TENM3: variants seen among roughly 807,000 people sequenced by gnomAD.
The protein encoded by TENM3 is teneurin transmembrane protein 3.
TENM3 carries 63 observed loss-of-function variants against 255.1 expected under a neutral mutation model. The ratio of observed to expected loss-of-function variants is 0.25; its 90% CI spans 0.20 to 0.30. The LOEUF is 0.30. TENM3 is among the 10% of genes least tolerant of loss of function. TENM3 has a pLI of 1.00. For missense variants in TENM3, 2,929 were observed against 3,461.1 expected (o/e 0.85, Z 3.86); for synonymous variants, 1,306 against 1,322.3 (o/e 0.99, Z 0.27).
chr4:181,461,862 C>T, the TENM3 span, among the ~76,000 whole-genome samples: 13 of 152,092 alleles, frequency 8.5e-5, no homozygotes, highest in Admixed American at 1.3e-4. Flanking sequence ...GATTCAATGG[C>T]TTGATTATTC....
intron 3 of TENM3, among the ~76,000 whole-genome samples, chr4:182,579,427 G>C (rs1745266523): frequency 6.6e-6 from 1 of 152,122 alleles, no homozygotes; most frequent in African/African-American, 2.4e-5. Flanking sequence ...TTGTTGATTT[G>C]GATCAAAGAA....
chr4:182,651,171 C>T (rs1473088712), intron 5 of TENM3, among the ~76,000 whole-genome samples: 1 of 151,916 alleles, frequency 6.6e-6, no homozygotes, highest in African/African-American at 2.4e-5. Flanking sequence ...TGCTGCTATG[C>T]CAGAGTGTGT....
At chr4:182,709,540 G>A (rs146791128) in intron 12 of TENM3, among the ~76,000 whole-genome samples, 18 of 152,194 alleles carry the variant, frequency 1.2e-4, no homozygotes, top group African/African-American at 3.9e-4. Flanking sequence ...CTTACAAAAT[G>A]TCTGCATTTT....
the TENM3 span, among the ~76,000 whole-genome samples, chr4:181,946,018 A>G: frequency 1.3e-5 from 2 of 152,098 alleles, no homozygotes; most frequent in African/African-American, 2.4e-5. Context: ...CTCTTTTCCT[A>G]TTTATCATAA....
the TENM3 span, among the ~76,000 whole-genome samples, chr4:181,900,082 A>G: frequency 6.6e-6 from 1 of 152,088 alleles, no homozygotes; most frequent in Non-Finnish European, 1.5e-5. Flanking sequence ...CTATGCTGAA[A>G]TTTTTCACAC....
the TENM3 span, among the ~76,000 whole-genome samples, chr4:181,645,535 A>G: frequency 6.6e-6 from 1 of 152,194 alleles, no homozygotes; most frequent in Non-Finnish European, 1.5e-5. Context: ...TCTCAAAATT[A>G]TTACAGAACT....
At chr4:181,965,219 A>G in the TENM3 span, among the ~76,000 whole-genome samples, 342 of 152,342 alleles carry the variant, frequency 2.2e-3, no homozygotes, top group African/African-American at 7.7e-3. Flanking sequence ...TTAAAAAAAT[A>G]ATAATAACAA....
chr4:181,498,111 C>G, the TENM3 span, among the ~76,000 whole-genome samples: 1 of 152,090 alleles, frequency 6.6e-6, no homozygotes, highest in African/African-American at 2.4e-5. Flanking sequence ...GAGGTAGAAG[C>G]ATCTACATTC....
At chr4:182,647,940 C>T (rs1388768556) in intron 5 of TENM3, among the ~76,000 whole-genome samples, 2 of 152,176 alleles carry the variant, frequency 1.3e-5, no homozygotes, top group East Asian at 3.9e-4. Context: ...CATGAGCTGA[C>T]AGTCATCACC....
rs990077586 is a variant in TENM3, at chr4:182,616,445, C to T, written c.750-12206C>T. On this transcript the variant is annotated intron_variant, in intron 4 of 27. Coordinates refer to ENST00000511685, the MANE Select transcript of TENM3 (RefSeq NM_001080477.4). The stretch of plus-strand genomic sequence containing the variant: ...CTAGATGACGAGTTAGTGGGTGCAG[C>T]GCACCAGCATGGCACATGTGTACAT... Among the ~76,000 whole-genome samples the T allele has an allele frequency of 4.0e-5, 6 of 148,232 alleles. No individual in the cohort carries two copies. In the South Asian group the frequency reaches 6.4e-4, roughly 16 times the overall value.
At chr4:182,240,456 C>A (rs1207459025), upstream of TENM3, among the ~76,000 whole-genome samples, 1 of 152,198 alleles carries the variant, frequency 6.6e-6, no homozygotes, top group African/African-American at 2.4e-5. Context: ...TGATCCCAGT[C>A]CCCTGTTAGG....
intron 22 of TENM3, among the ~76,000 whole-genome samples, chr4:182,772,378 C>A (rs2152795262): frequency 6.6e-6 from 1 of 152,298 alleles, no homozygotes; most frequent in South Asian, 2.1e-4. Flanking sequence ...TCTCTAACAG[C>A]ATTGTTTCTC....
chr4:182,679,821 T>C lies in TENM3; in HGVS notation c.1482T>C (p.Ala494=). Residue 494 remains alanine (A), a synonymous_variant, in exon 8 of 28, where the codon GCT becomes GCC. Coordinates refer to ENST00000511685, the MANE Select transcript of TENM3 (RefSeq NM_001080477.4). ...QYLDSGIWHL[A]FYNDGKNAEQ... ...TGGATTCTGGAATCTGGCATCTGGC[T>C]TTTTATAATGATGGGAAAAATGCAG... 1 of 1,613,876 alleles carries C rather than the reference T, an allele frequency of 6.2e-7. No homozygotes were observed.
intron 4 of TENM3, among the ~76,000 whole-genome samples, chr4:182,607,649 A>T (rs971711433): frequency 2.0e-5 from 3 of 152,172 alleles, no homozygotes; most frequent in Non-Finnish European, 2.9e-5. Context: ...TGTACAATAG[A>T]GTGGGAGTGT....
intron 1 of TENM3, among the ~76,000 whole-genome samples, chr4:182,311,985 C>T (rs900809314): frequency 2.0e-5 from 3 of 152,146 alleles, no homozygotes; most frequent in African/African-American, 2.4e-5. Flanking sequence ...CAAGTCTTAC[C>T]GTTTGGCAAC....
At chr4:181,777,438 T>C in the TENM3 span, among the ~76,000 whole-genome samples, 2 of 152,152 alleles carry the variant, frequency 1.3e-5, no homozygotes, top group Admixed American at 6.6e-5. Flanking sequence ...TTTCTATTTC[T>C]GTGAAAAATG....
the TENM3 span, among the ~76,000 whole-genome samples, chr4:181,965,030 A>C: frequency 6.6e-6 from 1 of 152,206 alleles, no homozygotes; most frequent in East Asian, 1.9e-4. Context: ...AAAACTTGAA[A>C]GTAAATTTCT....
chr4:182,029,950 C>A, the TENM3 span, among the ~76,000 whole-genome samples: 1 of 141,362 alleles, frequency 7.1e-6, no homozygotes, highest in Non-Finnish European at 1.5e-5. Context: ...TCACATATAA[C>A]TGAAGTCTTC....
chr4:182,600,893 CTTTCT>C (rs1250603045), intron 3 of TENM3, 26 bp from the exon 4 acceptor site: 2 of 992,144 alleles, frequency 2.0e-6, no homozygotes, highest in Non-Finnish European at 2.9e-6. Flanking sequence ...AATGAGTTCT[CTTTCT>C]TTTTTTTTTT....
Sources: allele counts gnomAD v4.1 joint callset (sites outside exome capture counted in the v4.1 genomes callset), GRCh38; gene constraint gnomAD v4.1.1; transcripts MANE v1.5; gene names NCBI Gene and HGNC (gene_info 2026-07-23, HGNC 2026-07-21).